The following ACOT7 variants were observed in gnomAD, a reference collection of about 807,000 sequenced individuals.
ACOT7 encodes the protein acyl-CoA thioesterase 7, also known as cytosolic acyl coenzyme A thioester hydrolase.
ACOT7 carries 12 observed loss-of-function variants against 40.2 expected under a neutral mutation model. The observed-to-expected ratio is 0.30, with a 90% CI of 0.19 to 0.48. ACOT7 has a LOEUF of 0.48. Among genes scored for constraint, ACOT7 ranks in the 20% least tolerant of loss-of-function variants. The probability of loss-of-function intolerance (pLI) is 0.99; values close to 1 mark genes in which losing one functional copy is unlikely to be tolerated. For synonymous variants in ACOT7, 228 were observed against 219.5 expected, an observed-to-expected ratio of 1.04 and a Z score of -0.34; for missense variants, 395 against 530.8, an observed-to-expected ratio of 0.74 and a Z score of 2.51.
At chr1:6,332,534 T>C (rs114069813) in intron 4 of ACOT7, among the ~76,000 whole-genome samples, 4,189 of 152,296 alleles carry the variant, frequency 0.028, 206 homozygotes, top group African/African-American at 0.095. Context: ...AAGGTGCTTC[T>C]GCCGGGCGCA....
chr1:6,382,755 G>C (rs534443732), intron 1 of ACOT7, among the ~76,000 whole-genome samples: 5 of 151,736 alleles, frequency 3.3e-5, no homozygotes, highest in Non-Finnish European at 5.9e-5. Context: ...CTCAGTGACC[G>C]AGACTGCACC....
chr1:6,385,223 C>T (rs1642414854), intron 1 of ACOT7, among the ~76,000 whole-genome samples: 2 of 151,846 alleles, frequency 1.3e-5, no homozygotes, highest in Admixed American at 1.3e-4. Context: ...TCTGCAGAGG[C>T]CCAGATTCCC....
In ACOT7 at chr1:6,307,121, A is replaced by T. The variant is rs557143155; in HGVS notation, c.712+11371T>A. ...ATGGATGTTTGTCGCAGAAGGTTTG[A>T]CTCCCAACCAGCCAGCAGGGCTGTG... On this transcript the variant is annotated intron_variant, in intron 6 of 8. Coordinates refer to ENST00000361521, the MANE Select transcript of ACOT7 (RefSeq NM_007274.4). Among the ~76,000 whole-genome samples, 13 of 152,230 alleles carry T rather than the reference A, an allele frequency of 8.5e-5. 1 individual carries two copies. In the South Asian group the frequency reaches 2.7e-3, roughly 32 times the overall value.
At position 6,289,220 on chromosome 1, in the gene ACOT7, C is replaced by A. The variant is rs1025479733; in HGVS notation, c.829+5644G>T. On this transcript the variant is annotated intron_variant, in intron 7 of 8. Transcript: ENST00000361521. This position sits in a 1 kb window ranked among gnomAD's most constrained non-coding sequence, Gnocchi z 4.6. ...GTTCAAGCGATTCTCCTACCTCAGC[C>A]CCCCGAGTAGCTGGGATTACAGGCG... Among the ~76,000 whole-genome samples the A allele has an allele frequency of 1.3e-5, 2 of 151,722 alleles. No individual in the cohort carries two copies. The highest frequency in any genetic ancestry group is 4.9e-5 in the African/African-American group (2 of 41,008).
chr1:6,393,075 G>A (rs1255315155), intron 1 of ACOT7, among the ~76,000 whole-genome samples, 182 bp downstream of exon 1: 1 of 150,838 alleles, frequency 6.6e-6, no homozygotes, highest in Non-Finnish European at 1.5e-5. Context: ...CCCGGCTTGT[G>A]CGGCATCGCG....
At position 6,318,517 on chromosome 1, in the gene ACOT7, G is replaced by A. The variant is rs752334197; in HGVS notation, c.687C>T (p.Cys229=). 2.5e-6 allele frequency: 4 copies of A among 1,614,144 alleles called. No individual in the cohort carries two copies. Among genetic ancestry groups the A allele is most frequent in the Non-Finnish European group, 3.4e-6 (4 of 1,180,000 alleles). Residue 229 remains cysteine, a synonymous_variant, in exon 6 of 9, where the codon TGC becomes TGT. Transcript: ENST00000361521. ...SLIHLVGPSD[C]TLHGFVHGGV... is the part of the protein sequence containing the mutation. ...CTCCGTGCACAAAGCCGTGCAGGGT[G>A]CAGTCTGAAGGCCCCACCAGGTGGA...
chr1:6,351,269 A>G (rs560934747), intron 1 of ACOT7, among the ~76,000 whole-genome samples: 1 of 152,316 alleles, frequency 6.6e-6, no homozygotes, highest in Non-Finnish European at 1.5e-5. Flanking sequence ...GCAGGGCCCA[A>G]GGTTCCGTGG....
intron 4 of ACOT7, 25 bp downstream of exon 4, chr1:6,333,452 G>A (rs532477794): frequency 3.7e-6 from 6 of 1,613,076 alleles, no homozygotes; most frequent in Non-Finnish European, 5.1e-6. Flanking sequence ...CTGCCCCCAA[G>A]AGAGAAGTAG....
At position 6,330,496 on chromosome 1, in the gene ACOT7, C is replaced by T. The variant is rs138089474; in HGVS notation, c.510+2981G>A. ...GTGCAGCCTCTCCCATCTGCGGCTCCGGCTGCCTCGGAGCCATGGAATGGT... is the reference window on the plus strand; with the variant it reads ...GTGCAGCCTCTCCCATCTGCGGCTCTGGCTGCCTCGGAGCCATGGAATGGT... On this transcript the variant is annotated intron_variant, in intron 4 of 8. Coordinates refer to ENST00000361521, the MANE Select transcript of ACOT7 (RefSeq NM_007274.4). This position sits in a 1 kb window ranked among gnomAD's most constrained non-coding sequence, Gnocchi z 4.6. Among the ~76,000 whole-genome samples the T allele has an allele frequency of 1.9e-4, 29 of 152,294 alleles. No individual in the cohort carries two copies. In the East Asian group the frequency reaches 5.0e-3, roughly 26 times the overall value.
At chr1:6,390,250 C>T (rs909398348) in intron 1 of ACOT7, among the ~76,000 whole-genome samples, 1 of 152,222 alleles carries the variant, frequency 6.6e-6, no homozygotes, top group African/African-American at 2.4e-5. Context: ...CCTCACCAGT[C>T]GTCTGGCCAA....
At chr1:6,379,729 T>C (rs552555795) in intron 1 of ACOT7, among the ~76,000 whole-genome samples, 51 of 151,914 alleles carry the variant, frequency 3.4e-4, no homozygotes, top group African/African-American at 1.2e-3. Context: ...CCCAAAGTGC[T>C]GGGATTACAG....
intron 1 of ACOT7, among the ~76,000 whole-genome samples, chr1:6,366,275 C>A (rs954745666): frequency 1.3e-5 from 2 of 152,016 alleles, no homozygotes; most frequent in Non-Finnish European, 2.9e-5. Context: ...ATCAATTGAC[C>A]CTTCTTTCCA....
At chr1:6,356,071 C>A (rs1037812936) in intron 1 of ACOT7, among the ~76,000 whole-genome samples, 2 of 152,196 alleles carry the variant, frequency 1.3e-5, no homozygotes, top group African/African-American at 2.4e-5. Flanking sequence ...GAAAAGAGTT[C>A]TTTGCATCCA....
chr1:6,360,791 C>G, intron 1 of ACOT7: 1 of 1,487,932 alleles, frequency 6.7e-7, no homozygotes, highest in Non-Finnish European at 9.0e-7. Flanking sequence ...CCCTAAGCAA[C>G]CCTTCCAGCT....
chr1:6,304,701 A>G (rs1640074912), intron 6 of ACOT7, among the ~76,000 whole-genome samples: 1 of 131,982 alleles, frequency 7.6e-6, no homozygotes, highest in African/African-American at 3.2e-5. Context: ...CAGAGAGCAC[A>G]GGGTTGGGGG....
In ACOT7 at chr1:6,359,152, C is replaced by A. The variant is rs115382350; in HGVS notation, c.144-9286G>T. 1,724 of 286,352 alleles carry A rather than the reference C, an allele frequency of 6.0e-3. 30 individuals carry two copies. The highest frequency in any genetic ancestry group is 0.035 in the African/African-American group (1,575 of 45,298). The allele number at this position is 286,352 out of a possible 1,614,324, so 17.7% of individuals were successfully genotyped here. ...GATCAGGAAGGCAGAGGGGCCGCTGCTGAGCGGCCTCAGGGAAGCGGCTAT... is the reference window on the plus strand; with the variant it reads ...GATCAGGAAGGCAGAGGGGCCGCTGATGAGCGGCCTCAGGGAAGCGGCTAT... On this transcript the variant is annotated intron_variant, in intron 1 of 8. Coordinates refer to ENST00000361521, the MANE Select transcript of ACOT7 (RefSeq NM_007274.4). This position sits in a 1 kb window ranked among gnomAD's most constrained non-coding sequence, Gnocchi z 4.1.
chr1:6,341,877 C>T (rs1479838226), intron 2 of ACOT7, among the ~76,000 whole-genome samples: 2 of 152,228 alleles, frequency 1.3e-5, no homozygotes, highest in Non-Finnish European at 2.9e-5. Context: ...TCACACAGGA[C>T]CCCTTGGCAG....
chr1:6,289,113 T>A lies in ACOT7; in HGVS notation c.829+5751A>T, dbSNP rs1172331825. 1.3e-5 allele frequency among the ~76,000 whole-genome samples: 2 copies of A among 152,194 alleles called. No homozygotes were observed. Among genetic ancestry groups the A allele is most frequent in the African/African-American group, 4.8e-5 (2 of 41,450 alleles). ...TTTTCTGGTTATTTTATTTTATTTT[T>A]TTTTGAGACGGAGTCTCGCTCTGTC... On this transcript the variant is annotated intron_variant, in intron 7 of 8. Transcript: ENST00000361521. The surrounding 1 kb of genome is among the most constrained non-coding windows in gnomAD (Gnocchi z 4.6).
At chr1:6,360,356 C>T (rs1641861607) in intron 1 of ACOT7, among the ~76,000 whole-genome samples, 2 of 152,246 alleles carry the variant, frequency 1.3e-5, no homozygotes, top group Non-Finnish European at 2.9e-5. Flanking sequence ...GCCCTCCCCA[C>T]CCAGGCAGCC....
Sources: gnomAD v4.1 joint callset for allele counts (sites outside exome capture counted in the v4.1 genomes callset) on GRCh38, gnomAD v4.1.1 for gene constraint, Gnocchi (gnomAD v3.1) non-coding constraint, MANE v1.5 for transcripts, NCBI Gene and HGNC (gene_info 2026-07-23, HGNC 2026-07-21) for gene names.